The following ACER3 variants were observed in gnomAD, a reference collection of about 807,000 sequenced individuals.
ACER3 encodes the protein alkCDase 3.
ACER3 carries 16 observed loss-of-function variants against 48.9 expected under a neutral mutation model. The observed-to-expected ratio is 0.33, with a 90% confidence interval of 0.22 to 0.50. The LOEUF is 0.50. Among genes scored for constraint, ACER3 ranks in the 20% least tolerant of loss-of-function variants. ACER3 has a pLI of 0.98. For synonymous variants in ACER3, 109 were observed against 107.8 expected (o/e 1.01, Z -0.07); for missense variants, 227 against 326.0 (o/e 0.70, Z 2.34).
At chr11:76,888,792 C>T (rs1945737563) in intron 1 of ACER3, among the ~76,000 whole-genome samples, 1 of 152,180 alleles carries the variant, frequency 6.6e-6, no homozygotes, top group Non-Finnish European at 1.5e-5. Flanking sequence ...TCATGTATCT[C>T]TTGTCACCTT....
intron 1 of ACER3, among the ~76,000 whole-genome samples, chr11:76,870,532 T>A (rs1023562149): frequency 6.6e-6 from 1 of 152,178 alleles, no homozygotes; most frequent in Admixed American, 6.5e-5. Context: ...CAAATATCTC[T>A]TCAAGACCCT....
intron 3 of ACER3, among the ~76,000 whole-genome samples, chr11:76,969,126 G>T (rs1012918902): frequency 6.6e-6 from 1 of 152,128 alleles, no homozygotes; most frequent in Non-Finnish European, 1.5e-5. Context: ...ATCAAAAAGT[G>T]GGCAAAGGAT....
intron 2 of ACER3, among the ~76,000 whole-genome samples, chr11:76,952,693 G>A (rs574510231): frequency 7.2e-4 from 90 of 124,682 alleles, no homozygotes; most frequent in Non-Finnish European, 1.3e-3. Flanking sequence ...TTTAGACAGA[G>A]TCTCATTCTA....
At chr11:76,963,601 C>T (rs1004793673) in intron 3 of ACER3, among the ~76,000 whole-genome samples, 10 of 151,286 alleles carry the variant, frequency 6.6e-5, no homozygotes, top group Admixed American at 3.3e-4. Context: ...ATGCTGGATC[C>T]AATCGGTCTT....
intron 7 of ACER3, among the ~76,000 whole-genome samples, chr11:77,004,529 TG>T (rs1253381585): frequency 6.6e-6 from 1 of 152,238 alleles, no homozygotes; most frequent in Non-Finnish European, 1.5e-5. Context: ...TCTCCAAACA[TG>T]ATTTTGGACT....
chr11:76,874,575 C>T lies in ACER3; in HGVS notation c.103+13496C>T, dbSNP rs557098634. The stretch of plus-strand genomic sequence containing the variant: ...AGTAAATGTGGTTAATATCTGTAAT[C>T]AGTTGACTTTAGGTAAAGGAGATTA... On this transcript the variant is annotated intron_variant, in intron 1 of 10. Transcript: ENST00000532485. 9.9e-5 allele frequency among the ~76,000 whole-genome samples: 15 copies of T among 152,246 alleles called. No individual in the cohort carries two copies. The East Asian group carries it at 2.7e-3, about 27-fold the overall frequency.
At chr11:76,890,125 G>T (rs1392442482) in intron 1 of ACER3, among the ~76,000 whole-genome samples, 7 of 152,116 alleles carry the variant, frequency 4.6e-5, no homozygotes, top group Admixed American at 4.6e-4. Context: ...GGATTGTAAA[G>T]TCTATGAGGG....
intron 1 of ACER3, among the ~76,000 whole-genome samples, chr11:76,904,096 C>G (rs778507986): frequency 6.6e-6 from 1 of 152,098 alleles, no homozygotes; most frequent in Admixed American, 6.6e-5. Flanking sequence ...AAGTGATTCT[C>G]GTGCCTCAGT....
intron 3 of ACER3, among the ~76,000 whole-genome samples, chr11:76,962,798 T>C (rs746495757): frequency 2.6e-5 from 4 of 151,520 alleles, no homozygotes; most frequent in Admixed American, 6.5e-5. Flanking sequence ...CTTTATGTGT[T>C]TCTCTAACCA....
chr11:76,917,718 A>G (rs1289888231), intron 1 of ACER3, among the ~76,000 whole-genome samples: 1 of 151,950 alleles, frequency 6.6e-6, no homozygotes, highest in Non-Finnish European at 1.5e-5. Context: ...TTAATTAGCC[A>G]GGAGTGGTGG....
chr11:76,971,358 G>A (rs1335711065), intron 3 of ACER3, among the ~76,000 whole-genome samples: 3 of 152,008 alleles, frequency 2.0e-5, no homozygotes, highest in Non-Finnish European at 4.4e-5. Flanking sequence ...TGGCCAACAT[G>A]GTGAAACCCC....
At chr11:76,932,432 A>G (rs554380078) in intron 2 of ACER3, among the ~76,000 whole-genome samples, 62 of 152,300 alleles carry the variant, frequency 4.1e-4, no homozygotes, top group African/African-American at 1.4e-3. Flanking sequence ...TCTGTTGCTC[A>G]TATGCATTTT....
Position 76,897,815 on chromosome 11 carries a change from A to G in ACER3, c.104-28742A>G, listed in dbSNP as rs181425218. 9.2e-5 allele frequency among the ~76,000 whole-genome samples: 14 copies of G among 152,324 alleles called. No individual in the cohort carries two copies. In the East Asian group the frequency reaches 2.7e-3, roughly 29 times the overall value. Reference sequence around the variant, plus strand: ...TACTTGTCAGTTCATCTTTTAGGTAAAAATGTGGTTGATGAAAAAAGCGGC... The same window carrying G: ...TACTTGTCAGTTCATCTTTTAGGTAGAAATGTGGTTGATGAAAAAAGCGGC... On this transcript the variant is annotated intron_variant, in intron 1 of 10. Transcript: ENST00000532485.
intron 1 of ACER3, among the ~76,000 whole-genome samples, chr11:76,918,870 A>G (rs1005457931): frequency 1.3e-5 from 2 of 152,200 alleles, no homozygotes; most frequent in African/African-American, 4.8e-5. Context: ...AATTGTGAAG[A>G]TGAATTTAGA....
At chr11:76,923,648 T>C (rs1192664247) in intron 1 of ACER3, among the ~76,000 whole-genome samples, 1 of 152,224 alleles carries the variant, frequency 6.6e-6, no homozygotes, top group Non-Finnish European at 1.5e-5. Flanking sequence ...TTGGAAACAG[T>C]TTGATCCTTT....
At chr11:76,959,259 G>T in intron 3 of ACER3, 1 of 1,362,142 alleles carries the variant, frequency 7.3e-7, no homozygotes, top group Non-Finnish European at 9.5e-7. Context: ...ATCTCTGTGC[G>T]GGCATATAAA....
At chr11:76,951,309 G>T in intron 2 of ACER3, among the ~76,000 whole-genome samples, 1 of 151,910 alleles carries the variant, frequency 6.6e-6, no homozygotes, top group Non-Finnish European at 1.5e-5. Flanking sequence ...AACTAGAAGG[G>T]TTTTTTTTAC....
At chr11:76,904,998 C>A (rs577315534) in intron 1 of ACER3, among the ~76,000 whole-genome samples, 1 of 152,218 alleles carries the variant, frequency 6.6e-6, no homozygotes, top group African/African-American at 2.4e-5. Flanking sequence ...ATTGCAGGTA[C>A]ATGCCACCAT....
intron 9 of ACER3, chr11:77,019,440 C>G (rs1949433456): frequency 8.3e-6 from 2 of 242,040 alleles, no homozygotes; most frequent in Middle Eastern, 1.4e-3. Flanking sequence ...GCCTGGGTGA[C>G]AGAGCAAGAC....
Sources: gnomAD v4.1 joint callset for allele counts (sites outside exome capture counted in the v4.1 genomes callset) on GRCh38, gnomAD v4.1.1 for gene constraint, MANE v1.5 for transcripts, NCBI Gene and HGNC (gene_info 2026-07-23, HGNC 2026-07-21) for gene names.